The following TENM3 variants were observed in gnomAD, a reference collection of about 807,000 sequenced individuals.
The protein encoded by TENM3 is teneurin-3.
A neutral mutation model predicts 255.1 loss-of-function variants in TENM3; 63 were observed. The ratio of observed to expected loss-of-function variants is 0.25; its 90% confidence interval spans 0.20 to 0.30. TENM3 has a LOEUF of 0.30. TENM3 is among the 10% of genes least tolerant of loss of function. The pLI, the probability that TENM3 is intolerant of heterozygous loss-of-function variation, is 1.00. For synonymous variants in TENM3, 1,306 were observed against 1,322.3 expected, an observed-to-expected ratio of 0.99 and a Z score of 0.27; for missense variants, 2,929 against 3,461.1, an observed-to-expected ratio of 0.85 and a Z score of 3.86.
At chr4:182,661,607 G>GT (rs1489637252) in intron 6 of TENM3, among the ~76,000 whole-genome samples, 4 of 152,168 alleles carry the variant, frequency 2.6e-5, no homozygotes, top group African/African-American at 7.2e-5. Context: ...AGCTTGTGAT[G>GT]TAACACTCTG....
At chr4:182,148,750 G>A (rs111344559) in intron 1 of TENM3, among the ~76,000 whole-genome samples, 2 of 151,972 alleles carry the variant, frequency 1.3e-5, no homozygotes, top group African/African-American at 2.4e-5. Flanking sequence ...GATGGTGAAC[G>A]TTATCATCCC....
chr4:182,645,275 G>T (rs1034520386), intron 5 of TENM3, among the ~76,000 whole-genome samples: 8 of 151,990 alleles, frequency 5.3e-5, no homozygotes. Flanking sequence ...GTAGAAAAAT[G>T]TAAAGTTTGA....
the TENM3 span, among the ~76,000 whole-genome samples, chr4:182,009,924 G>A: frequency 1.8e-5 from 2 of 112,856 alleles, no homozygotes; most frequent in South Asian, 3.2e-4. Context: ...CCCACTCACC[G>A]CCTCCCTTGG....
At chr4:182,052,852 C>A in the TENM3 span, among the ~76,000 whole-genome samples, 13 of 152,264 alleles carry the variant, frequency 8.5e-5, no homozygotes, top group South Asian at 2.7e-3. Flanking sequence ...GGGAATCAAA[C>A]TCTGAGGTTC....
chr4:182,492,150 ATCC>A (rs1257832344), intron 3 of TENM3, among the ~76,000 whole-genome samples: 23 of 152,222 alleles, frequency 1.5e-4, no homozygotes, highest in Non-Finnish European at 3.4e-4. Context: ...GCTTGAATTT[ATCC>A]TCCTCTAATT....
chr4:182,689,507 G>T (rs539359547), intron 12 of TENM3, among the ~76,000 whole-genome samples: 1 of 152,110 alleles, frequency 6.6e-6, no homozygotes, highest in Non-Finnish European at 1.5e-5. Flanking sequence ...ACGCCCCCAC[G>T]CTGGTGATCT....
the TENM3 span, chr4:181,522,847 C>T: frequency 3.1e-6 from 3 of 957,544 alleles, no homozygotes; most frequent in South Asian, 1.3e-5. Context: ...TCAATGCAGG[C>T]TCTAAAAGCT....
intron 5 of TENM3, among the ~76,000 whole-genome samples, chr4:182,643,694 T>C (rs985693847): frequency 2.6e-5 from 4 of 152,202 alleles, no homozygotes; most frequent in Admixed American, 6.5e-5. Context: ...TTGAAAACAA[T>C]GTACTTACCT....
At chr4:181,473,591 CAAAA>C in the TENM3 span, among the ~76,000 whole-genome samples, 2 of 149,558 alleles carry the variant, frequency 1.3e-5, no homozygotes. Flanking sequence ...GACTCTGTCT[CAAAA>C]AACAACAACC....
At chr4:181,765,390 C>A in the TENM3 span, among the ~76,000 whole-genome samples, 2 of 152,114 alleles carry the variant, frequency 1.3e-5, no homozygotes, top group Non-Finnish European at 2.9e-5. Flanking sequence ...TTCTTTCTTG[C>A]TCATTTGAAA....
the TENM3 span, among the ~76,000 whole-genome samples, chr4:181,544,244 A>G: frequency 0.03 from 4,566 of 151,968 alleles, 154 homozygotes; most frequent in East Asian, 0.078. Flanking sequence ...TAAATTTCTA[A>G]CTATAAATAA....
At chr4:182,160,201 A>G (rs1322984124) in intron 1 of TENM3, among the ~76,000 whole-genome samples, 2 of 151,018 alleles carry the variant, frequency 1.3e-5, no homozygotes, top group East Asian at 1.9e-4. Flanking sequence ...ACGGGGTTTC[A>G]CCGTGTTAGC....
At chr4:182,127,556 G>T in the TENM3 span, among the ~76,000 whole-genome samples, 1 of 152,180 alleles carries the variant, frequency 6.6e-6, no homozygotes, top group Non-Finnish European at 1.5e-5. Flanking sequence ...CTGTTCTCAT[G>T]ATGCATTATT....
chr4:182,337,604 G>A (rs1251801409), intron 2 of TENM3, among the ~76,000 whole-genome samples: 6 of 152,126 alleles, frequency 3.9e-5, no homozygotes, highest in Non-Finnish European at 8.8e-5. Flanking sequence ...CAACTGCTTT[G>A]GAAACTGTTG....
At chr4:182,483,798 G>A (rs1734433219) in intron 3 of TENM3, among the ~76,000 whole-genome samples, 1 of 152,136 alleles carries the variant, frequency 6.6e-6, no homozygotes, top group Admixed American at 6.5e-5. Flanking sequence ...ATGGTAGGAG[G>A]CAAAGAGGAA....
chr4:182,070,516 G>A, the TENM3 span, among the ~76,000 whole-genome samples: 1 of 152,224 alleles, frequency 6.6e-6, no homozygotes. Context: ...ACTTGGGAGG[G>A]TGAGGCAGGA....
intron 15 of TENM3, 137 bp from the exon 16 acceptor site, chr4:182,730,741 T>C: frequency 4.1e-6 from 4 of 971,572 alleles, no homozygotes; most frequent in Non-Finnish European, 6.0e-6. Flanking sequence ...AATATTCCCA[T>C]AGATCTGAAA....
chr4:181,941,702 T>C, the TENM3 span, among the ~76,000 whole-genome samples: 1 of 152,234 alleles, frequency 6.6e-6, no homozygotes, highest in Non-Finnish European at 1.5e-5. Context: ...GCTTTCATCA[T>C]TTACAGTTTT....
chr4:181,876,565 G>A, the TENM3 span, among the ~76,000 whole-genome samples: 4 of 152,140 alleles, frequency 2.6e-5, no homozygotes, highest in East Asian at 1.9e-4. Flanking sequence ...TTTACATAAC[G>A]GTTGCAAATG....
Sources: allele counts gnomAD v4.1 joint callset (sites outside exome capture counted in the v4.1 genomes callset), GRCh38; gene constraint gnomAD v4.1.1; transcripts MANE v1.5; gene names NCBI Gene and HGNC (gene_info 2026-07-23, HGNC 2026-07-21).